Variants in RPRD1B observed in about 807,000 individuals in gnomAD.
The protein encoded by RPRD1B is regulation of nuclear pre-mRNA domain containing 1B, also known as regulation of nuclear pre-mRNA domain-containing protein 1B.
RPRD1B carries 11 observed loss-of-function variants against 41.5 expected under a neutral mutation model. That is an observed-to-expected ratio of 0.27 (90% CI 0.17 to 0.44). RPRD1B has a LOEUF of 0.44. RPRD1B is among the 20% of genes least tolerant of loss of function. The probability of loss-of-function intolerance (pLI) is 1.00; values close to 1 mark genes in which losing one functional copy is unlikely to be tolerated. For synonymous variants in RPRD1B, 158 were observed against 155.6 expected, an observed-to-expected ratio of 1.02 and a Z score of -0.12; for missense variants, 248 against 389.9, an observed-to-expected ratio of 0.64 and a Z score of 3.06.
rs201881637 is a variant in RPRD1B, at chr20:38,066,176, C to T, written c.751C>T (p.Arg251Cys). Residue 251 changes from arginine (R) to cysteine (C), a missense_variant, in exon 6 of 7, where the codon CGT becomes TGT. Physicochemically the swap from Arg to Cys is radical, Grantham distance 180 (BLOSUM62 -3). Transcript: ENST00000373433. ...GCGCCTGGCAGCAGAACTGGAGGAC[C>T]GTCGCCAGCTGGCTCGGATGTTGGT... The part of the protein sequence containing the change: ...NGRLAAELED[R>C]RQLARMLVEY... 7 of 1,614,142 alleles carry T rather than the reference C, an allele frequency of 4.3e-6. No homozygotes were observed. The highest frequency in any genetic ancestry group is 2.2e-5 in the East Asian group (1 of 44,890).
At position 38,040,657 on chromosome 20, in the gene RPRD1B, C is replaced by G; in HGVS notation, c.281+93C>G. The G allele has an allele frequency of 2.9e-6, 4 of 1,356,348 alleles. No individual in the cohort carries two copies. In the South Asian group the frequency reaches 4.4e-5, roughly 15 times the overall value. The allele number at this position is 1,356,348 out of a possible 1,614,324, so 84.0% of individuals were successfully genotyped here. A position where few individuals can be genotyped will look rare whatever the true frequency, so the allele number is the denominator to read the frequency against. ...TTCTGTGATAGCCTTTGTAAATTGA[C>G]AACTTCCTACTTTACAGAGAGTTGT... On this transcript the variant is annotated intron_variant, in intron 2 of 6. Coordinates refer to ENST00000373433, the MANE Select transcript of RPRD1B (RefSeq NM_021215.4).
rs771239179 is a variant in RPRD1B, at chr20:38,068,252, G to T, written c.831+1996G>T. The stretch of plus-strand genomic sequence containing the variant: ...ATTGCTGAAGAAGCGGAACAGAAAG[G>T]CCCCACCACTGGAACCAACGTACAG... On this transcript the variant is annotated intron_variant, in intron 6 of 6. Coordinates refer to ENST00000373433, the MANE Select transcript of RPRD1B (RefSeq NM_021215.4). Among the ~76,000 whole-genome samples the T allele has an allele frequency of 2.2e-4, 33 of 152,314 alleles. 1 individual carries two copies. The highest frequency in any genetic ancestry group is 4.1e-4 in the Non-Finnish European group (28 of 68,020).
chr20:38,079,427 A>G (rs1326319722), intron 6 of RPRD1B, among the ~76,000 whole-genome samples: 4 of 152,044 alleles, frequency 2.6e-5, no homozygotes, highest in African/African-American at 9.7e-5. Context: ...TCCACCCTCA[A>G]GTAGTCCCGG....
chr20:38,035,702 G>A (rs76197212), intron 1 of RPRD1B, among the ~76,000 whole-genome samples: 2 of 151,896 alleles, frequency 1.3e-5, no homozygotes, highest in Non-Finnish European at 2.9e-5. Flanking sequence ...AATTGCCACT[G>A]TACAGAATTC....
intron 1 of RPRD1B, among the ~76,000 whole-genome samples, chr20:38,039,892 C>T (rs2074047301): frequency 1.3e-5 from 2 of 151,778 alleles, no homozygotes; most frequent in Admixed American, 1.3e-4. Context: ...CACCATCACA[C>T]CCGGCTAATT....
At position 38,048,635 on chromosome 20, in the gene RPRD1B, T is replaced by C. The variant is rs959412542; in HGVS notation, c.415+154T>C. ...TGAATGATGGTGAGAATTTATGTAG[T>C]GCTCACAGCGTGTAAGCCTGGTTCT... On this transcript the variant is annotated intron_variant, in intron 3 of 6. Coordinates refer to ENST00000373433, the MANE Select transcript of RPRD1B (RefSeq NM_021215.4). 158 of 967,898 alleles carry C rather than the reference T, an allele frequency of 1.6e-4. No individual in the cohort carries two copies. In the African/African-American group the frequency reaches 2.6e-3, roughly 16 times the overall value. The allele number at this position is 967,898 out of a possible 1,614,324, so 60.0% of individuals were successfully genotyped here. A position where few individuals can be genotyped will look rare whatever the true frequency, so the allele number is the denominator to read the frequency against.
chr20:38,033,797 C>T lies in RPRD1B; in HGVS notation c.-151C>T. 2 of 727,430 alleles carry T rather than the reference C, an allele frequency of 2.7e-6. No homozygotes were observed. Among genetic ancestry groups the T allele is most frequent in the Non-Finnish European group, 4.3e-6 (2 of 461,186 alleles). 45.1% of individuals were successfully genotyped at this position (727,430 alleles called of 1,614,324 possible). A position where few individuals can be genotyped will look rare whatever the true frequency, so the allele number is the denominator to read the frequency against. On this transcript the variant is annotated 5_prime_UTR_variant, in exon 1 of 7. Coordinates refer to ENST00000373433, the MANE Select transcript of RPRD1B (RefSeq NM_021215.4). ...CGCGGGCGGCTGTTACTGCGGAGAC[C>T]CATCCCCTCCCCCTTCTCGCACCCC...
intron 6 of RPRD1B, among the ~76,000 whole-genome samples, chr20:38,071,221 A>G (rs1175238842): frequency 6.6e-6 from 1 of 152,266 alleles, no homozygotes; most frequent in Non-Finnish European, 1.5e-5. Context: ...TGAAATTCAT[A>G]TAACGTAAAT....
chr20:38,079,599 C>T (rs562335913), intron 6 of RPRD1B, among the ~76,000 whole-genome samples: 1 of 152,246 alleles, frequency 6.6e-6, no homozygotes, highest in Non-Finnish European at 1.5e-5. Context: ...TATATATGTA[C>T]TCATTTTCTT....
chr20:38,044,692 C>A (rs766451103), intron 2 of RPRD1B, among the ~76,000 whole-genome samples: 1 of 152,044 alleles, frequency 6.6e-6, no homozygotes, highest in Non-Finnish European at 1.5e-5. Flanking sequence ...CATTAAGAAC[C>A]GTATTGCTTG....
intron 3 of RPRD1B, among the ~76,000 whole-genome samples, chr20:38,055,805 A>G (rs867633829): frequency 2.0e-5 from 3 of 152,198 alleles, no homozygotes; most frequent in Non-Finnish European, 4.4e-5. Context: ...TGTGACCTGC[A>G]TAACAGGTGT....
intron 6 of RPRD1B, among the ~76,000 whole-genome samples, chr20:38,085,811 A>G (rs1458091322): frequency 6.9e-6 from 1 of 144,686 alleles, no homozygotes; most frequent in Admixed American, 6.8e-5. Flanking sequence ...CTGGAGTTGT[A>G]TTTGGGGGAG....
At chr20:38,042,867 A>G (rs1457702519) in intron 2 of RPRD1B, among the ~76,000 whole-genome samples, 1 of 136,640 alleles carries the variant, frequency 7.3e-6, no homozygotes, top group Non-Finnish European at 1.5e-5. Flanking sequence ...AACAAACAGT[A>G]AAAAAAACTC....
intron 6 of RPRD1B, among the ~76,000 whole-genome samples, chr20:38,071,647 T>C (rs1328285982): frequency 6.6e-6 from 1 of 152,222 alleles, no homozygotes; most frequent in Non-Finnish European, 1.5e-5. Flanking sequence ...TCATTTTACA[T>C]CCCCACTAGC....
At chr20:38,083,780 G>A (rs1016432712) in intron 6 of RPRD1B, 2 of 152,162 alleles carry the variant, frequency 1.3e-5, no homozygotes, top group Non-Finnish European at 2.9e-5. Flanking sequence ...TATTGGGATT[G>A]GAGCCACAAT....
At chr20:38,065,543 A>G (rs2074346154) in intron 5 of RPRD1B, among the ~76,000 whole-genome samples, 1 of 152,250 alleles carries the variant, frequency 6.6e-6, no homozygotes, top group Non-Finnish European at 1.5e-5. Context: ...ATTACTTATC[A>G]TAGCTAATGC....
At chr20:38,061,217 A>G (rs772662694) in intron 5 of RPRD1B, among the ~76,000 whole-genome samples, 1 of 152,226 alleles carries the variant, frequency 6.6e-6, no homozygotes, top group Non-Finnish European at 1.5e-5. Flanking sequence ...TTGTTATACA[A>G]CCAGTTTCCA....
At chr20:38,077,616 G>A (rs1025360680) in intron 6 of RPRD1B, among the ~76,000 whole-genome samples, 1 of 152,066 alleles carries the variant, frequency 6.6e-6, no homozygotes, top group South Asian at 2.1e-4. Context: ...CGCCAGTGTG[G>A]TTTTTGCTCC....
intron 2 of RPRD1B, among the ~76,000 whole-genome samples, chr20:38,045,770 A>G (rs2074114813): frequency 6.6e-6 from 1 of 152,258 alleles, no homozygotes; most frequent in Non-Finnish European, 1.5e-5. Flanking sequence ...TTAAGCGAAC[A>G]GAGAATCTGC....
Sources: allele counts gnomAD v4.1 joint callset (sites outside exome capture counted in the v4.1 genomes callset), GRCh38; gene constraint gnomAD v4.1.1; transcripts MANE v1.5; gene names NCBI Gene and HGNC (gene_info 2026-07-23, HGNC 2026-07-21).